LMBRD1: variants seen among roughly 807,000 people sequenced by gnomAD.
The protein encoded by LMBRD1 is LMBR1 domain containing 1.
A neutral mutation model predicts 74.8 loss-of-function variants in LMBRD1; 64 were observed. That is an observed-to-expected ratio of 0.86 (90% CI 0.70 to 1.05). LMBRD1 has a LOEUF of 1.05. Ranked by LOEUF, LMBRD1 falls within the 50% of genes least tolerant of loss-of-function variation. LMBRD1 has a pLI of 0.00. For missense variants in LMBRD1, 652 were observed against 645.9 expected, an observed-to-expected ratio of 1.01 and a Z score of -0.10; for synonymous variants, 204 against 216.3, an observed-to-expected ratio of 0.94 and a Z score of 0.50.
chr6:69,703,157 T>C (rs1412238377), intron 9 of LMBRD1, among the ~76,000 whole-genome samples: 1 of 152,064 alleles, frequency 6.6e-6, no homozygotes, highest in African/African-American at 2.4e-5. Context: ...AAGGGTTTCA[T>C]TGCAAAAGAT....
At chr6:69,701,744 C>T (rs1267289279) in intron 10 of LMBRD1, 145 bp downstream of exon 10, 11 of 694,774 alleles carry the variant, frequency 1.6e-5, no homozygotes, top group Non-Finnish European at 2.5e-5. Context: ...GACGTTTTAG[C>T]CATTCTTTGA....
intron 7 of LMBRD1, among the ~76,000 whole-genome samples, chr6:69,736,053 C>A (rs1053793758): frequency 3.9e-5 from 6 of 152,134 alleles, no homozygotes; most frequent in African/African-American, 1.2e-4. Flanking sequence ...CTGATCTTTA[C>A]AGTAGTCTCA....
chr6:69,741,627 A>AC (rs1275948733), intron 6 of LMBRD1, among the ~76,000 whole-genome samples, 162 bp downstream of exon 6: 73 of 151,248 alleles, frequency 4.8e-4, no homozygotes, highest in African/African-American at 1.5e-3. Context: ...CTCGTGATCC[A>AC]CCCCCCACCC....
intron 14 of LMBRD1, among the ~76,000 whole-genome samples, chr6:69,689,380 G>A (rs1290267151): frequency 6.6e-6 from 1 of 152,146 alleles, no homozygotes; most frequent in African/African-American, 2.4e-5. Flanking sequence ...AAGTTTAGCA[G>A]ACTGACTTCA....
chr6:69,752,172 G>GA (rs1765171499), intron 4 of LMBRD1, 87 bp downstream of exon 4: 2 of 1,367,776 alleles, frequency 1.5e-6, no homozygotes, highest in East Asian at 5.0e-5. Flanking sequence ...CACTGCTCTA[G>GA]AAAAAATTCA....
At chr6:69,776,084 G>T (rs1765693077) in intron 3 of LMBRD1, among the ~76,000 whole-genome samples, 1 of 152,156 alleles carries the variant, frequency 6.6e-6, no homozygotes, top group African/African-American at 2.4e-5. Flanking sequence ...ATAATGATAT[G>T]TGTCAACATT....
At chr6:69,704,662 A>G (rs1195511996) in intron 9 of LMBRD1, among the ~76,000 whole-genome samples, 2 of 117,956 alleles carry the variant, frequency 1.7e-5, no homozygotes, top group Admixed American at 8.3e-5. Context: ...GAAGTTAGGT[A>G]GTGGTCTGTC....
At position 69,754,700 on chromosome 6, in the gene LMBRD1, C is replaced by T. The variant is rs145847379; in HGVS notation, c.308-2344G>A. On this transcript the variant is annotated intron_variant, in intron 3 of 15. Transcript: ENST00000649934. Reference sequence around the variant, plus strand: ...AACATTTCTATTGCAAATCTAACAGCCAACAGACATAAACATTTATCTGCA... The same window carrying T: ...AACATTTCTATTGCAAATCTAACAGTCAACAGACATAAACATTTATCTGCA... Among the ~76,000 whole-genome samples, 199 of 152,208 alleles carry T rather than the reference C, an allele frequency of 1.3e-3. No individual in the cohort carries two copies. The Middle Eastern group carries it at 0.017, about 13-fold the overall frequency.
intron 3 of LMBRD1, among the ~76,000 whole-genome samples, chr6:69,779,059 G>A (rs937773985): frequency 6.6e-6 from 1 of 151,932 alleles, no homozygotes; most frequent in African/African-American, 2.4e-5. Flanking sequence ...GATGGTGTGT[G>A]CCTGTAATCC....
At chr6:69,699,269 G>A in intron 12 of LMBRD1, 77 bp from the exon 13 acceptor site, 2 of 1,285,628 alleles carry the variant, frequency 1.6e-6, no homozygotes, top group Non-Finnish European at 2.3e-6. Context: ...TGTGTTATGG[G>A]AAATGATTTA....
At chr6:69,705,540 C>T in intron 9 of LMBRD1, 2 of 1,290,706 alleles carry the variant, frequency 1.5e-6, no homozygotes, top group Non-Finnish European at 2.2e-6. Context: ...TGAGTCTTTT[C>T]CATTCTGATT....
At chr6:69,752,436 T>C (rs1765179294) in intron 3 of LMBRD1, 80 bp from the exon 4 acceptor site, 1 of 1,167,490 alleles carries the variant, frequency 8.6e-7, no homozygotes, top group Non-Finnish European at 1.2e-6. Flanking sequence ...TGTATATATA[T>C]TCACTTAACA....
intron 2 of LMBRD1, among the ~76,000 whole-genome samples, chr6:69,781,125 C>T (rs1486806046): frequency 6.6e-6 from 1 of 152,120 alleles, no homozygotes; most frequent in South Asian, 2.1e-4. Context: ...CATATTTGAG[C>T]ATATTATACA....
At chr6:69,732,769 T>C (rs1766887565) in intron 7 of LMBRD1, among the ~76,000 whole-genome samples, 1 of 152,210 alleles carries the variant, frequency 6.6e-6, no homozygotes. Context: ...CAGTCACTGC[T>C]TCTATAGGCA....
intron 9 of LMBRD1, among the ~76,000 whole-genome samples, chr6:69,711,597 T>C (rs1182452188): frequency 6.6e-6 from 1 of 152,134 alleles, no homozygotes; most frequent in Non-Finnish European, 1.5e-5. Context: ...ACAAATCACC[T>C]TGGGGTAAAA....
At chr6:69,785,352 A>G (rs1481393248) in intron 2 of LMBRD1, among the ~76,000 whole-genome samples, 1 of 152,176 alleles carries the variant, frequency 6.6e-6, no homozygotes, top group Non-Finnish European at 1.5e-5. Flanking sequence ...GATATCATCC[A>G]TATGTTGCTT....
intron 2 of LMBRD1, among the ~76,000 whole-genome samples, chr6:69,786,308 T>C (rs1046385886): frequency 2.6e-5 from 4 of 152,048 alleles, no homozygotes; most frequent in Admixed American, 2.0e-4. Context: ...AGCAGTAGAG[T>C]TTAGCCCAGA....
At chr6:69,790,582 T>C in intron 1 of LMBRD1, 110 bp from the exon 2 acceptor site, 2 of 1,092,476 alleles carry the variant, frequency 1.8e-6, no homozygotes, top group Non-Finnish European at 2.7e-6. Flanking sequence ...AAAGGTTATT[T>C]TAGTTGTGTA....
intron 2 of LMBRD1, among the ~76,000 whole-genome samples, chr6:69,786,578 C>T (rs1765952953): frequency 6.6e-6 from 1 of 151,722 alleles, no homozygotes; most frequent in Non-Finnish European, 1.5e-5. Context: ...GACAGCACTT[C>T]CAGCTGTACT....
Sources: allele counts gnomAD v4.1 joint callset (sites outside exome capture counted in the v4.1 genomes callset), GRCh38; gene constraint gnomAD v4.1.1; transcripts MANE v1.5; gene names NCBI Gene and HGNC (gene_info 2026-07-23, HGNC 2026-07-21).